IQGAP2: variants seen among roughly 807,000 people sequenced by gnomAD.
The protein encoded by IQGAP2 is IQ motif containing GTPase activating protein 2.
In IQGAP2, 173 loss-of-function variants were observed where a neutral mutation model predicts 201.3. The ratio of observed to expected loss-of-function variants is 0.86; its 90% CI spans 0.76 to 0.98. The LOEUF is 0.98. IQGAP2 is among the 50% of genes least tolerant of loss of function. IQGAP2 has a pLI of 0.00. For synonymous variants in IQGAP2, 675 were observed against 673.9 expected, an observed-to-expected ratio of 1.00 and a Z score of -0.03; for missense variants, 1,687 against 1,864.8, an observed-to-expected ratio of 0.90 and a Z score of 1.76.
At chr5:76,511,759 C>G (rs1757980996) in intron 2 of IQGAP2, among the ~76,000 whole-genome samples, 1 of 151,440 alleles carries the variant, frequency 6.6e-6, no homozygotes, top group Non-Finnish European at 1.5e-5. Context: ...CGGCTCACTG[C>G]AAGCTCTGCC....
chr5:76,438,189 G>T (rs1441840703), intron 1 of IQGAP2, among the ~76,000 whole-genome samples: 2 of 151,856 alleles, frequency 1.3e-5, no homozygotes, highest in East Asian at 3.9e-4. Context: ...ATGTCTGGTC[G>T]AGTTCAGCTG....
intron 2 of IQGAP2, among the ~76,000 whole-genome samples, chr5:76,494,019 A>T (rs1756727823): frequency 6.6e-6 from 1 of 152,218 alleles, no homozygotes; most frequent in Admixed American, 6.5e-5. Context: ...GATCATCTCT[A>T]GATTATTTAT....
intron 2 of IQGAP2, among the ~76,000 whole-genome samples, chr5:76,492,120 A>G (rs1756587185): frequency 6.6e-6 from 1 of 152,184 alleles, no homozygotes; most frequent in Non-Finnish European, 1.5e-5. Flanking sequence ...GAATCTGCTG[A>G]GGTTGTGAAA....
intron 12 of IQGAP2, among the ~76,000 whole-genome samples, chr5:76,608,373 T>A (rs1747978915): frequency 6.6e-6 from 1 of 152,236 alleles, no homozygotes; most frequent in African/African-American, 2.4e-5. Context: ...TTTATCTGTG[T>A]CTTGGTTTTA....
intron 22 of IQGAP2, among the ~76,000 whole-genome samples, chr5:76,665,815 A>G (rs936339523): frequency 1.3e-5 from 2 of 152,216 alleles, no homozygotes; most frequent in Admixed American, 6.5e-5. Flanking sequence ...TTGTTTGACC[A>G]TTGATTCAGC....
At chr5:76,512,914 G>A (rs1459953068) in intron 2 of IQGAP2, among the ~76,000 whole-genome samples, 1 of 152,148 alleles carries the variant, frequency 6.6e-6, no homozygotes, top group Admixed American at 6.5e-5. Context: ...AATTTGCTGG[G>A]CATGATGGCG....
At chr5:76,486,520 G>A (rs114809695) in intron 2 of IQGAP2, among the ~76,000 whole-genome samples, 366 of 152,192 alleles carry the variant, frequency 2.4e-3, no homozygotes, top group African/African-American at 8.3e-3. Context: ...CCTTAAGCAC[G>A]GTTATCAACC....
intron 2 of IQGAP2, among the ~76,000 whole-genome samples, chr5:76,516,627 A>AG (rs1033217711): frequency 6.6e-6 from 1 of 150,836 alleles, no homozygotes; most frequent in African/African-American, 2.4e-5. Context: ...GTGTTGGGGG[A>AG]GGGGGTTGCC....
At chr5:76,639,426 G>A (rs183722391) in intron 16 of IQGAP2, among the ~76,000 whole-genome samples, 201 of 152,212 alleles carry the variant, frequency 1.3e-3, no homozygotes, top group Middle Eastern at 6.8e-3. Context: ...AAATACATAG[G>A]TACTTTAAAA....
intron 30 of IQGAP2, 60 bp from the exon 31 acceptor site, chr5:76,693,295 C>G: frequency 8.8e-7 from 1 of 1,135,816 alleles, no homozygotes; most frequent in Non-Finnish European, 1.3e-6. Flanking sequence ...TTAGGAGAAA[C>G]AGATTTTTGT....
chr5:76,473,486 CTCTT>C (rs1392067539), intron 2 of IQGAP2, among the ~76,000 whole-genome samples: 1 of 152,020 alleles, frequency 6.6e-6, no homozygotes, highest in African/African-American at 2.4e-5. Context: ...TTTAGGCTAG[CTCTT>C]TCTTGCTCTC....
chr5:76,608,557 G>A (rs578145292), intron 12 of IQGAP2, among the ~76,000 whole-genome samples: 87 of 152,292 alleles, frequency 5.7e-4, no homozygotes, highest in Non-Finnish European at 4.7e-4. Context: ...TTTTGAAGGT[G>A]CATTACTCTT....
intron 17 of IQGAP2, among the ~76,000 whole-genome samples, chr5:76,643,465 A>G (rs1198435610): frequency 1.3e-5 from 2 of 152,210 alleles, no homozygotes; most frequent in Non-Finnish European, 2.9e-5. Flanking sequence ...AATAATTCAC[A>G]TAACAGATGT....
intron 17 of IQGAP2, among the ~76,000 whole-genome samples, chr5:76,650,448 G>T (rs955985035): frequency 2.0e-5 from 3 of 152,178 alleles, no homozygotes; most frequent in African/African-American, 7.2e-5. Context: ...TTGAGGTACA[G>T]ATTGTTTGCA....
At chr5:76,681,556 G>A (rs1745297468) in intron 28 of IQGAP2, among the ~76,000 whole-genome samples, 1 of 151,340 alleles carries the variant, frequency 6.6e-6, no homozygotes, top group Non-Finnish European at 1.5e-5. Flanking sequence ...CAGAAAATAA[G>A]TGTTGAGAAG....
chr5:76,610,643 A>T lies in IQGAP2; in HGVS notation c.1358-377A>T, dbSNP rs139068272. Among the ~76,000 whole-genome samples, 1,184 of 152,034 alleles carry T rather than the reference A, an allele frequency of 7.8e-3. 14 individuals carry two copies. Among genetic ancestry groups the T allele is most frequent in the African/African-American group, 0.027 (1,102 of 41,506 alleles). On this transcript the variant is annotated intron_variant, in intron 12 of 35. Transcript: ENST00000274364. ...CATTGAATCTGTAGGTCAATTTAAG[A>T]AGTATTTCCATCTTAACAATACTAA...
intron 2 of IQGAP2, among the ~76,000 whole-genome samples, chr5:76,553,106 T>C (rs1743677282): frequency 6.6e-6 from 1 of 152,190 alleles, no homozygotes; most frequent in African/African-American, 2.4e-5. Context: ...CCTGGGCTAA[T>C]AAGGCTAATG....
chr5:76,695,608 A>G lies in IQGAP2; in HGVS notation c.4148A>G (p.Gln1383Arg), dbSNP rs1746653991. 6.2e-7 allele frequency: 1 copy of G among 1,614,230 alleles called. No individual in the cohort carries two copies. The highest frequency in any genetic ancestry group is 8.5e-7 in the Non-Finnish European group (1 of 1,180,034). The change falls in exon 32 of 36, where the codon CAG (glutamine) becomes CGG (arginine). Residue 1383 changes from glutamine (Q) to arginine (R), a missense_variant. Coordinates refer to ENST00000274364, the MANE Select transcript of IQGAP2 (RefSeq NM_006633.5). Reference protein sequence around the residue: ...KIQRNLRTLEQTGHVSSENKY... With the variant: ...KIQRNLRTLERTGHVSSENKY... ...CAGAGGAATCTTCGGACGTTGGAAC[A>G]GACTGGACACGTGTCATCCGAAAAT...
chr5:76,589,058 A>C (rs951221136), intron 6 of IQGAP2, 85 bp downstream of exon 6: 3 of 863,850 alleles, frequency 3.5e-6, no homozygotes, highest in Non-Finnish European at 5.6e-6. Flanking sequence ...TCATGCCTGT[A>C]ATCCCAGCAC....
Sources: allele counts gnomAD v4.1 joint callset (sites outside exome capture counted in the v4.1 genomes callset), GRCh38; gene constraint gnomAD v4.1.1; transcripts MANE v1.5; gene names NCBI Gene and HGNC (gene_info 2026-07-23, HGNC 2026-07-21).